Variants in UHRF2 observed in about 807,000 individuals in gnomAD.
UHRF2 encodes ubiquitin like with PHD and ring finger domains 2, also known as E3 ubiquitin-protein ligase UHRF2.
UHRF2 carries 23 observed loss-of-function variants against 96.8 expected under a neutral mutation model. That is an observed-to-expected ratio of 0.24 (90% CI 0.17 to 0.34). The LOEUF (loss-of-function observed/expected upper bound fraction) is 0.34, where lower values mean the gene tolerates loss of function less well. Ranked by LOEUF, UHRF2 falls within the 10% of genes least tolerant of loss-of-function variation. The pLI is 1.00. For missense variants in UHRF2, 685 were observed against 981.5 expected, an observed-to-expected ratio of 0.70 and a Z score of 4.04; for synonymous variants, 385 against 332.6, an observed-to-expected ratio of 1.16 and a Z score of -1.72.
At chr9:6,446,976 C>T (rs1390951898) in intron 3 of UHRF2, among the ~76,000 whole-genome samples, 1 of 152,146 alleles carries the variant, frequency 6.6e-6, no homozygotes, top group African/African-American at 2.4e-5. Flanking sequence ...GCAAGCTCCG[C>T]CTCCCGGGTT....
At chr9:6,427,812 C>G (rs1362564406) in intron 2 of UHRF2, among the ~76,000 whole-genome samples, 1 of 152,186 alleles carries the variant, frequency 6.6e-6, no homozygotes, top group African/African-American at 2.4e-5. Context: ...CTAGATACCA[C>G]TACTACATAT....
intron 2 of UHRF2, among the ~76,000 whole-genome samples, chr9:6,424,108 A>T (rs1230283042): frequency 1.7e-5 from 2 of 118,432 alleles, no homozygotes; most frequent in Non-Finnish European, 3.9e-5. Flanking sequence ...GTACTAGATA[A>T]TGCAATTAGG....
At chr9:6,478,761 C>T (rs1402359180) in intron 6 of UHRF2, among the ~76,000 whole-genome samples, 4 of 152,156 alleles carry the variant, frequency 2.6e-5, no homozygotes, top group African/African-American at 9.7e-5. Context: ...TGATCTCTCC[C>T]TAACCTGTTG....
At chr9:6,490,650 T>G (rs1824604906) in intron 9 of UHRF2, among the ~76,000 whole-genome samples, 1 of 152,150 alleles carries the variant, frequency 6.6e-6, no homozygotes, top group Non-Finnish European at 1.5e-5. Flanking sequence ...AAGAATATTA[T>G]CTTAAATATA....
rs1374439117 is a variant in UHRF2 at position 6,446,596 on chromosome 9, C to T, written c.644+12423C>T. 2.6e-5 allele frequency among the ~76,000 whole-genome samples: 4 copies of T among 151,772 alleles called. No homozygotes were observed. In the East Asian group the frequency reaches 8.0e-4, roughly 30 times the overall value. On this transcript the variant is annotated intron_variant, in intron 3 of 15. Coordinates refer to ENST00000276893, the MANE Select transcript of UHRF2 (RefSeq NM_152896.3). ...GGGCACAGTGGCTTATTCCTGTAATCCCAGCAGTTTGGGAGGCCAAGGCGG... is the reference window on the plus strand; with the variant it reads ...GGGCACAGTGGCTTATTCCTGTAATTCCAGCAGTTTGGGAGGCCAAGGCGG...
At chr9:6,423,376 C>T (rs1820047981) in intron 2 of UHRF2, among the ~76,000 whole-genome samples, 1 of 152,088 alleles carries the variant, frequency 6.6e-6, no homozygotes, top group South Asian at 2.1e-4. Flanking sequence ...AGCACATCAG[C>T]TTCACTAACA....
intron 3 of UHRF2, among the ~76,000 whole-genome samples, chr9:6,447,730 A>G (rs1821603727): frequency 6.6e-6 from 1 of 152,242 alleles, no homozygotes; most frequent in Non-Finnish European, 1.5e-5. Context: ...ACAGAAATCA[A>G]AACACAAGAG....
At chr9:6,479,515 A>T (rs754445595) in intron 6 of UHRF2, among the ~76,000 whole-genome samples, 1 of 152,022 alleles carries the variant, frequency 6.6e-6, no homozygotes, top group Non-Finnish European at 1.5e-5. Context: ...TATGCTAGGG[A>T]ACTATGCTTG....
At chr9:6,438,252 G>A (rs1249944261) in intron 3 of UHRF2, among the ~76,000 whole-genome samples, 2 of 152,202 alleles carry the variant, frequency 1.3e-5, no homozygotes, top group Non-Finnish European at 2.9e-5. Context: ...TCTGCCTTGA[G>A]AAGTAGCCAG....
chr9:6,495,275 T>C (rs1483155007), intron 10 of UHRF2: 2 of 152,174 alleles, frequency 1.3e-5, no homozygotes, highest in African/African-American at 4.8e-5. Flanking sequence ...GCAGTAAACA[T>C]GTTTTCTATA....
At chr9:6,465,133 C>T (rs940123893) in intron 4 of UHRF2, among the ~76,000 whole-genome samples, 2 of 152,150 alleles carry the variant, frequency 1.3e-5, no homozygotes, top group Non-Finnish European at 2.9e-5. Context: ...TAACAGGCAT[C>T]TTTTTCCCCT....
At chr9:6,460,153 T>C (rs1217851088) in intron 3 of UHRF2, among the ~76,000 whole-genome samples, 1 of 152,252 alleles carries the variant, frequency 6.6e-6, no homozygotes, top group African/African-American at 2.4e-5. Flanking sequence ...ATTACAAATA[T>C]TCAGTCTCCC....
chr9:6,485,825 A>C (rs916890706), intron 8 of UHRF2, among the ~76,000 whole-genome samples: 1 of 145,476 alleles, frequency 6.9e-6, no homozygotes, highest in Non-Finnish European at 1.5e-5. Context: ...AAAAAAAAAA[A>C]AAACAAAACC....
intron 8 of UHRF2, among the ~76,000 whole-genome samples, chr9:6,483,160 A>G (rs1266373992): frequency 2.6e-5 from 4 of 151,778 alleles, no homozygotes; most frequent in Non-Finnish European, 5.9e-5. Flanking sequence ...ACCCATCTCT[A>G]CTAAAAATAC....
In UHRF2 at chr9:6,496,166, T is replaced by A. The variant is rs551100620; in HGVS notation, c.1605-1032T>A. On this transcript the variant is annotated intron_variant, in intron 10 of 15. Transcript: ENST00000276893. ...TTTCTTGACGTCTATTTTTTTTAAC[T>A]TGAGCCTGCATAAAAAGAATTAAAC... The A allele has an allele frequency of 7.2e-5, 11 of 152,304 alleles. No homozygotes were observed. The East Asian group carries it at 1.2e-3, about 16-fold the overall frequency. 9.4% of individuals were successfully genotyped at this position (152,304 alleles called of 1,614,324 possible). A position where few individuals can be genotyped will look rare whatever the true frequency, so the allele number is the denominator to read the frequency against.
At chr9:6,504,309 G>A (rs745313542) in intron 14 of UHRF2, 8 of 190,440 alleles carry the variant, frequency 4.2e-5, no homozygotes, top group Non-Finnish European at 7.7e-5. Flanking sequence ...ACAGGCGTGA[G>A]CCACCGCGCC....
At chr9:6,414,398 C>T (rs947572486) in intron 1 of UHRF2, among the ~76,000 whole-genome samples, 2 of 152,200 alleles carry the variant, frequency 1.3e-5, no homozygotes, top group Admixed American at 6.5e-5. Context: ...TTCTCGCCTT[C>T]TAATACTCAT....
chr9:6,453,461 G>A (rs1168561419), intron 3 of UHRF2, among the ~76,000 whole-genome samples: 1 of 152,136 alleles, frequency 6.6e-6, no homozygotes, highest in Non-Finnish European at 1.5e-5. Context: ...TGTCTTACAT[G>A]GACTTAAGAA....
At chr9:6,420,249 G>A (rs956507527) in intron 1 of UHRF2, among the ~76,000 whole-genome samples, 5 of 151,626 alleles carry the variant, frequency 3.3e-5, no homozygotes, top group Admixed American at 6.6e-5. Context: ...TAGAGACGGG[G>A]TTTCACCATG....
Sources: gnomAD v4.1 joint callset for allele counts (sites outside exome capture counted in the v4.1 genomes callset) on GRCh38, gnomAD v4.1.1 for gene constraint, MANE v1.5 for transcripts, NCBI Gene and HGNC (gene_info 2026-07-23, HGNC 2026-07-21) for gene names.